The following TOP6BL variants were observed in gnomAD, a reference collection of about 807,000 sequenced individuals.
The protein encoded by TOP6BL is TOP6B like initiator of meiotic double strand breaks, also known as type 2 DNA topoisomerase 6 subunit B-like.
the TOP6BL span, chr11:66,815,887 C>T: frequency 8.6e-6 from 5 of 580,282 alleles, no homozygotes; most frequent in Non-Finnish European, 1.4e-5. Context: ...TTATGATTTG[C>T]TTCCATCATG....
the TOP6BL span, among the ~76,000 whole-genome samples, chr11:66,826,482 T>C: frequency 6.6e-6 from 1 of 152,208 alleles, no homozygotes; most frequent in Admixed American, 6.5e-5. Context: ...TTTCTATAAA[T>C]GGAGTTATGA....
the TOP6BL span, chr11:66,758,968 TA>T: frequency 8.8e-7 from 1 of 1,135,732 alleles, no homozygotes; most frequent in Non-Finnish European, 1.2e-6. Context: ...AGCAGTTTTT[TA>T]GACTCTCATT....
At chr11:66,826,225 C>T in the TOP6BL span, among the ~76,000 whole-genome samples, 1 of 152,092 alleles carries the variant, frequency 6.6e-6, no homozygotes. Flanking sequence ...TAAAATTTAT[C>T]ACTATAATTT....
chr11:66,762,078 G>C, the TOP6BL span: 2 of 1,234,930 alleles, frequency 1.6e-6, no homozygotes, highest in African/African-American at 1.5e-5. Context: ...GTCCCATTCA[G>C]TTCCAGCTCC....
At chr11:66,801,769 G>A in the TOP6BL span, among the ~76,000 whole-genome samples, 2 of 152,130 alleles carry the variant, frequency 1.3e-5, no homozygotes, top group African/African-American at 4.8e-5. Flanking sequence ...CCAGGAGGTG[G>A]AGGTTGCAGT....
the TOP6BL span, chr11:66,803,905 C>A: frequency 1.9e-6 from 2 of 1,066,774 alleles, no homozygotes; most frequent in Non-Finnish European, 2.8e-6. Context: ...TGTACATATG[C>A]TAGAGGTTAC....
chr11:66,776,477 A>G, the TOP6BL span, among the ~76,000 whole-genome samples: 1 of 152,138 alleles, frequency 6.6e-6, no homozygotes, highest in Non-Finnish European at 1.5e-5. Context: ...GAAATTAAAC[A>G]AGGAAGGATT....
chr11:66,778,497 A>G, the TOP6BL span, among the ~76,000 whole-genome samples: 1 of 152,108 alleles, frequency 6.6e-6, no homozygotes, highest in Non-Finnish European at 1.5e-5. Flanking sequence ...ATGGAAAGAA[A>G]AACCCAGAAT....
chr11:66,744,779 G>C, the TOP6BL span: 1 of 1,246,900 alleles, frequency 8.0e-7, no homozygotes, highest in Non-Finnish European at 1.0e-6. Flanking sequence ...GTGGACTCGG[G>C]CGTGGGCACT....
At chr11:66,767,751 A>G in the TOP6BL span, among the ~76,000 whole-genome samples, 3 of 152,096 alleles carry the variant, frequency 2.0e-5, no homozygotes, top group Non-Finnish European at 2.9e-5. Context: ...CCTCTTCCCT[A>G]TATGCTACCC....
chr11:66,828,973 T>C, the TOP6BL span, among the ~76,000 whole-genome samples: 2 of 143,136 alleles, frequency 1.4e-5, no homozygotes, highest in Non-Finnish European at 3.1e-5. Flanking sequence ...TGTGTGTTTT[T>C]TGTTTTTTTT....
the TOP6BL span, among the ~76,000 whole-genome samples, chr11:66,815,450 T>C: frequency 5.9e-5 from 9 of 152,176 alleles, no homozygotes; most frequent in African/African-American, 2.2e-4. Context: ...GGGCAATGGA[T>C]TACATTTGGG....
At chr11:66,748,402 C>T in the TOP6BL span, 1 of 1,538,626 alleles carries the variant, frequency 6.5e-7, no homozygotes, top group Non-Finnish European at 8.8e-7. Context: ...TAATAATTCA[C>T]TGGAAGTGTG....
chr11:66,775,951 C>G, the TOP6BL span, among the ~76,000 whole-genome samples: 3 of 151,898 alleles, frequency 2.0e-5, no homozygotes, highest in Admixed American at 1.3e-4. Flanking sequence ...GAATTCATCC[C>G]TTATTAATTT....
the TOP6BL span, among the ~76,000 whole-genome samples, chr11:66,759,581 GAATTTATT>G: frequency 1.3e-5 from 2 of 152,064 alleles, no homozygotes; most frequent in African/African-American, 4.8e-5. Flanking sequence ...TTAGTTTTAA[GAATTTATT>G]TATTTATTTA....
chr11:66,843,308 T>C, the TOP6BL span: 5 of 1,552,550 alleles, frequency 3.2e-6, no homozygotes, highest in East Asian at 7.1e-5. Context: ...TTAATAAAGC[T>C]GCCGCGCGCT....
the TOP6BL span, among the ~76,000 whole-genome samples, chr11:66,774,030 A>G: frequency 6.6e-6 from 1 of 152,194 alleles, no homozygotes; most frequent in Non-Finnish European, 1.5e-5. Flanking sequence ...TGCCCAGCCT[A>G]TATAATTTCT....
the TOP6BL span, chr11:66,758,915 A>G: frequency 2.0e-6 from 1 of 496,416 alleles, no homozygotes; most frequent in Non-Finnish European, 3.4e-6. Flanking sequence ...ATTTTTACCA[A>G]ACTCATTAGT....
chr11:66,829,182 A>C, the TOP6BL span, among the ~76,000 whole-genome samples: 4 of 151,350 alleles, frequency 2.6e-5, no homozygotes, highest in Non-Finnish European at 5.9e-5. Flanking sequence ...AGCCAGGAGT[A>C]TGAGACCAGC....
Sources: allele counts gnomAD v4.1 joint callset (sites outside exome capture counted in the v4.1 genomes callset), GRCh38; gene constraint gnomAD v4.1.1; transcripts MANE v1.5; gene names NCBI Gene and HGNC (gene_info 2026-07-23, HGNC 2026-07-21).